The following PNPO variants were observed in gnomAD, a reference collection of about 807,000 sequenced individuals.
The protein encoded by PNPO is pyridoxine-5'-phosphate oxidase.
A neutral mutation model predicts 35.0 loss-of-function variants in PNPO; 39 were observed. That is an observed-to-expected ratio of 1.11 (90% CI 0.86 to 1.45). The LOEUF is 1.45. Ranked by LOEUF, PNPO falls within the 40% of genes most tolerant of loss-of-function variation. The pLI is 0.00. For synonymous variants in PNPO, 115 were observed against 119.8 expected, an observed-to-expected ratio of 0.96 and a Z score of 0.26; for missense variants, 288 against 340.0, an observed-to-expected ratio of 0.85 and a Z score of 1.20.
Position 47,946,791 on chromosome 17 carries a change from C to A in PNPO, c.*9C>A. The A allele has an allele frequency of 6.2e-7, 1 of 1,613,608 alleles. No homozygotes were observed. Among genetic ancestry groups the A allele is most frequent in the Non-Finnish European group, 8.5e-7 (1 of 1,179,782 alleles). On this transcript the variant is annotated 3_prime_UTR_variant, in exon 7 of 7. Transcript: ENST00000642017. ...AGAGACTTGCACCTTAACTCTGGGA[C>A]CTGCTGGCCCAGAGTGGAGCTAGGG...
rs2035996187 is a variant in PNPO at position 47,945,568 on chromosome 17, C to A, written c.373C>A (p.Pro125Thr). The A allele has an allele frequency of 6.2e-7, 1 of 1,613,046 alleles. No individual in the cohort carries two copies. Among genetic ancestry groups the A allele is most frequent in the African/African-American group, 1.3e-5 (1 of 74,892 alleles). Reference sequence around the variant, plus strand: ...TCTCTTTTACTTCTAGGACTCTAATCCCTTTGCTTCCCTTGTCTTCTACTG... The same window carrying A: ...TCTCTTTTACTTCTAGGACTCTAATACCTTTGCTTCCCTTGTCTTCTACTG... Reference protein sequence around the residue: ...SRKGKELDSNPFASLVFYWEP... With the variant: ...SRKGKELDSNTFASLVFYWEP... The change falls in exon 4 of 7, where the codon CCC becomes ACC. Residue 125 changes from proline (P) to threonine (T), a missense_variant. Pro to Thr is a conservative substitution (Grantham distance 38). Transcript: ENST00000642017. This position sits in a 1 kb window ranked among gnomAD's most constrained non-coding sequence, Gnocchi z 4.0.
At position 47,946,744 on chromosome 17, in the gene PNPO, G is replaced by T. The variant is rs751372839; in HGVS notation, c.748G>T (p.Gly250Trp). 6.2e-7 allele frequency: 1 copy of T among 1,614,036 alleles called. No homozygotes were observed. Among genetic ancestry groups the T allele is most frequent in the Non-Finnish European group, 8.5e-7 (1 of 1,180,028 alleles). ...DSPLGPMTHR[G>W]EEDWLYERLA... ...CCCTTTGGGGCCCATGACCCACCGC[G>T]GGGAGGAAGACTGGCTCTATGAGAG... The change falls in exon 7 of 7, where the codon GGG becomes TGG. Residue 250 changes from glycine (G) to tryptophan (W), a missense_variant. By Grantham distance (184) the Gly-to-Trp change is radical. Transcript: ENST00000642017.
chr17:47,942,177 G>A (rs529046764), intron 1 of PNPO: 25 of 396,890 alleles, frequency 6.3e-5, no homozygotes, highest in Non-Finnish European at 8.4e-5. Context: ...TGTTTGTAAA[G>A]TGCTTAGAAC....
chr17:47,944,857 C>T, intron 3 of PNPO, 142 bp downstream of exon 3: 1 of 727,992 alleles, frequency 1.4e-6, no homozygotes, highest in Admixed American at 2.0e-5. Context: ...GGCCTTGGCA[C>T]TTGCTGTGCT....
At chr17:47,942,122 T>A in intron 1 of PNPO, 1 of 894,016 alleles carries the variant, frequency 1.1e-6, no homozygotes, top group Non-Finnish European at 1.4e-6. Flanking sequence ...TTTCCTCATC[T>A]GGGAAGTGAT....
At position 47,946,951 on chromosome 17, in the gene PNPO, A is replaced by G. The variant is rs1297102045; in HGVS notation, c.*169A>G. ...AGTTCTCTGTACTCAGTTGGTTCTC[A>G]GTTAGCTGGTCAAGTGGAGTGTAAT... On this transcript the variant is annotated 3_prime_UTR_variant, in exon 7 of 7. Transcript: ENST00000642017. 7 of 627,592 alleles carry G rather than the reference A, an allele frequency of 1.1e-5. No homozygotes were observed. Among genetic ancestry groups the G allele is most frequent in the African/African-American group, 1.1e-4 (6 of 54,466 alleles). The allele number at this position is 627,592 out of a possible 1,614,324, so 38.9% of individuals were successfully genotyped here. A position where few individuals can be genotyped will look rare whatever the true frequency, so the allele number is the denominator to read the frequency against.
intron 1 of PNPO, 35 bp from the exon 2 acceptor site, chr17:47,943,271 T>C: frequency 6.3e-7 from 1 of 1,576,924 alleles, no homozygotes; most frequent in Non-Finnish European, 8.7e-7. Flanking sequence ...AAGCACTATA[T>C]ATGTTTATTA....
In PNPO at chr17:47,941,642, G is replaced by A; in HGVS notation, c.-34G>A. On this transcript the variant is annotated 5_prime_UTR_variant, in exon 1 of 7. Transcript: ENST00000642017. ...CCGAACTCAAAGGAACCCAGTGCCG[G>A]GCCACAGCCGGGTCACGTGGCCGGC... 6.6e-7 allele frequency: 1 copy of A among 1,512,588 alleles called. No homozygotes were observed. Among genetic ancestry groups the A allele is most frequent in the Non-Finnish European group, 8.9e-7 (1 of 1,122,400 alleles). 93.7% of individuals were successfully genotyped at this position (1,512,588 alleles called of 1,614,324 possible). A position where few individuals can be genotyped will look rare whatever the true frequency, so the allele number is the denominator to read the frequency against.
chr17:47,943,552 T>C, intron 2 of PNPO, 122 bp downstream of exon 2: 2 of 1,214,004 alleles, frequency 1.6e-6, no homozygotes, highest in Non-Finnish European at 1.2e-6. Flanking sequence ...TCTGTGGCTT[T>C]AGGCAAGATA....
At chr17:47,944,393 AACAT>A (rs1177932577) in intron 2 of PNPO, among the ~76,000 whole-genome samples, 1 of 152,102 alleles carries the variant, frequency 6.6e-6, no homozygotes, top group Non-Finnish European at 1.5e-5. Context: ...TTAAGGCTTT[AACAT>A]AGGGGTTTGG....
At chr17:47,943,902 G>A (rs1436741506) in intron 2 of PNPO, among the ~76,000 whole-genome samples, 1 of 152,212 alleles carries the variant, frequency 6.6e-6, no homozygotes, top group Non-Finnish European at 1.5e-5. Context: ...CTTGTACTGT[G>A]CGAGTGGATA....
At chr17:47,943,183 C>G in intron 1 of PNPO, 123 bp from the exon 2 acceptor site, 1 of 741,102 alleles carries the variant, frequency 1.3e-6, no homozygotes, top group Non-Finnish European at 2.3e-6. Flanking sequence ...CATACTATTT[C>G]TTATTTTAAG....
intron 2 of PNPO, among the ~76,000 whole-genome samples, chr17:47,944,364 A>C (rs1278507767): frequency 1.3e-5 from 2 of 152,116 alleles, no homozygotes; most frequent in African/African-American, 4.8e-5. Flanking sequence ...CCCTTCTCCA[A>C]ATACAGTCAC....
At chr17:47,944,436 C>T (rs889004585) in intron 2 of PNPO, among the ~76,000 whole-genome samples, 180 bp from the exon 3 acceptor site, 1 of 152,000 alleles carries the variant, frequency 6.6e-6, no homozygotes, top group African/African-American at 2.4e-5. Context: ...ATAACAGGGC[C>T]CCAGGCTGTG....
At chr17:47,942,417 ACCT>A (rs2035951483) in intron 1 of PNPO, among the ~76,000 whole-genome samples, 1 of 151,576 alleles carries the variant, frequency 6.6e-6, no homozygotes, top group Admixed American at 6.6e-5. Context: ...GGTCACCCAA[ACCT>A]CCTTGTGCCA....
intron 2 of PNPO, 81 bp from the exon 3 acceptor site, chr17:47,944,535 T>G: frequency 2.8e-5 from 30 of 1,086,958 alleles, no homozygotes; most frequent in Non-Finnish European, 4.0e-5. Flanking sequence ...GAGGGGGTGC[T>G]GAGACATCCT....
chr17:47,943,965 G>A (rs563889744), intron 2 of PNPO, among the ~76,000 whole-genome samples: 13 of 152,184 alleles, frequency 8.5e-5, no homozygotes, highest in South Asian at 2.1e-4. Context: ...CTGTGATCCC[G>A]AAGCATTGGA....
At chr17:47,943,936 G>A (rs771085217) in intron 2 of PNPO, among the ~76,000 whole-genome samples, 2 of 152,164 alleles carry the variant, frequency 1.3e-5, no homozygotes, top group African/African-American at 2.4e-5. Context: ...TGAGCAGAGG[G>A]GCTGATCTCA....
Position 47,945,219 on chromosome 17 carries a change from G to T in PNPO, c.364-340G>T. 2.5e-6 allele frequency: 1 copy of T among 402,458 alleles called. No individual in the cohort carries two copies. The highest frequency in any genetic ancestry group is 4.7e-6 in the Non-Finnish European group (1 of 213,052). 24.9% of individuals were successfully genotyped at this position (402,458 alleles called of 1,614,324 possible). On this transcript the variant is annotated intron_variant, in intron 3 of 6. Coordinates refer to ENST00000642017, the MANE Select transcript of PNPO (RefSeq NM_018129.4). The surrounding 1 kb of genome is among the most constrained non-coding windows in gnomAD (Gnocchi z 4.0). ...AGTGGGCACTTCGCGTGCATTCAAT[G>T]AATGAATCCAAAATGAGTAAACCTC...
Sources: gnomAD v4.1 joint callset for allele counts (sites outside exome capture counted in the v4.1 genomes callset) on GRCh38, gnomAD v4.1.1 for gene constraint, Gnocchi (gnomAD v3.1) non-coding constraint, MANE v1.5 for transcripts, NCBI Gene and HGNC (gene_info 2026-07-23, HGNC 2026-07-21) for gene names.